The following ZNF334 variants were observed in gnomAD, a reference collection of about 807,000 sequenced individuals.
The protein encoded by ZNF334 is zinc finger protein 334.
A neutral mutation model predicts 12.4 loss-of-function variants in ZNF334; 14 were observed. The observed-to-expected ratio is 1.13, with a 90% CI of 0.74 to 1.76. The LOEUF (loss-of-function observed/expected upper bound fraction) is 1.76, where lower values mean the gene tolerates loss of function less well. Ranked by LOEUF, ZNF334 falls within the 40% of genes most tolerant of loss-of-function variation. The pLI, the probability that ZNF334 is intolerant of heterozygous loss-of-function variation, is 0.00. For missense variants in ZNF334, 797 were observed against 804.5 expected, an observed-to-expected ratio of 0.99 and a Z score of 0.11; for synonymous variants, 273 against 269.6, an observed-to-expected ratio of 1.01 and a Z score of -0.12.
rs1476613287 is a variant in ZNF334 at position 46,504,737 on chromosome 20, G to C, written c.25C>G (p.Pro9Ala). 2 of 1,600,212 alleles carry C rather than the reference G, an allele frequency of 1.2e-6. No homozygotes were observed. The highest frequency in any genetic ancestry group is 4.5e-5 in the East Asian group (2 of 44,666). The change falls in exon 3 of 5, where the codon CCA (proline) becomes GCA (alanine). Residue 9 changes from proline to alanine, a missense_variant. By Grantham distance (27) the Pro-to-Ala change is conservative. Coordinates refer to ENST00000692313, the MANE Select transcript of ZNF334 (RefSeq NM_001353824.2). MKMKKFQIPVSFQDLTVNF... is the reference protein window; with the variant it reads MKMKKFQIAVSFQDLTVNF... ...ACAGTCAGGTCCTGGAATGAAACTG[G>C]TATCTGAAAGAAAATGTTTAATCTT...
rs371979289 is a variant in ZNF334 at position 46,502,633 on chromosome 20, G to C, written c.706C>G (p.Pro236Ala). The change falls in exon 5 of 5, where the codon CCA becomes GCA. Residue 236 changes from proline (P) to alanine (A), a missense_variant. Physicochemically the swap from Pro to Ala is conservative, Grantham distance 27. Transcript: ENST00000692313. ...TQKGRQTERK[P>A]NECNECRKTF... The stretch of plus-strand genomic sequence containing the variant: ...TTCCTACATTCATTACATTCATTTG[G>C]TTTCCTTTCAGTCTGTCTCCCCTTT... 1.3e-5 allele frequency: 21 copies of C among 1,612,656 alleles called. No individual in the cohort carries two copies. Among genetic ancestry groups the C allele is most frequent in the Non-Finnish European group, 1.2e-5 (14 of 1,180,008 alleles).
In ZNF334 at chr20:46,503,108, G is replaced by C; in HGVS notation, c.242-11C>G. On this transcript the variant is annotated splice_polypyrimidine_tract_variant and intron_variant, in intron 4 of 4. Coordinates refer to ENST00000692313, the MANE Select transcript of ZNF334 (RefSeq NM_001353824.2). ...AGGCATCATCAATGTCTAGAAAAAG[G>C]AACACAATTAACGGTAATTGGTGAG... 16 of 1,577,778 alleles carry C rather than the reference G, an allele frequency of 1.0e-5. No individual in the cohort carries two copies. The highest frequency in any genetic ancestry group is 1.4e-5 in the Non-Finnish European group (16 of 1,164,822).
At chr20:46,464,025 CTCT>C in the ZNF334 span, 31 of 635,230 alleles carry the variant, frequency 4.9e-5, no homozygotes, top group Admixed American at 5.7e-4. Context: ...AGGTGACAAC[CTCT>C]TCTTCATTGT....
rs777572298 is a variant in ZNF334, at chr20:46,504,209, C to T, written c.241+5G>A. ...GTTCCACCTGCTCAGTTATCATTTA[C>T]TTACCTGGGTAGTTCTGATTTGAGA... is the stretch of plus-strand genomic sequence containing the variant. On this transcript the variant is annotated splice_donor_5th_base_variant and intron_variant, in intron 4 of 4. Coordinates refer to ENST00000692313, the MANE Select transcript of ZNF334 (RefSeq NM_001353824.2). 1 of 1,598,106 alleles carries T rather than the reference C, an allele frequency of 6.3e-7. No individual in the cohort carries two copies. Among genetic ancestry groups the T allele is most frequent in the Non-Finnish European group, 8.5e-7 (1 of 1,170,928 alleles).
At chr20:46,462,361 G>A in the ZNF334 span, among the ~76,000 whole-genome samples, 27,185 of 152,056 alleles carry the variant, frequency 0.18, 2,840 homozygotes, top group African/African-American at 0.29. Context: ...TGGGATTACC[G>A]TCTCCTCCCC....
At position 46,504,656 on chromosome 20, in the gene ZNF334, T is replaced by C. The variant is rs1204983188; in HGVS notation, c.106A>G (p.Arg36Gly). Reference sequence around the variant, plus strand: ...CTGTAGTTCTCCAGCATCACATCCCTGTACAGGAGCCTCTGAGCAGGGTCC... The same window carrying C: ...CTGTAGTTCTCCAGCATCACATCCCCGTACAGGAGCCTCTGAGCAGGGTCC... ...QLDPAQRLLY[R>G]DVMLENYSNL... is the part of the protein sequence containing the mutation. Residue 36 changes from arginine to glycine, a missense_variant, in exon 3 of 5, where the codon AGG becomes GGG. Coordinates refer to ENST00000692313, the MANE Select transcript of ZNF334 (RefSeq NM_001353824.2). The C allele has an allele frequency of 6.2e-7, 1 of 1,611,778 alleles. No individual in the cohort carries two copies. The highest frequency in any genetic ancestry group is 8.5e-7 in the Non-Finnish European group (1 of 1,179,186).
chr20:46,463,674 C>T, the ZNF334 span: 2 of 217,080 alleles, frequency 9.2e-6, no homozygotes, highest in Non-Finnish European at 1.9e-5. Flanking sequence ...AAAACACTAA[C>T]TTCAGGATTT....
At position 46,502,179 on chromosome 20, in the gene ZNF334, A is replaced by G; in HGVS notation, c.1160T>C (p.Phe387Ser). Reference sequence around the variant, plus strand: ...ATGCGCAGTAAGGGCTGACTGACAGAAGAAGGTTTTCCCACATTCCTTACA... The same window carrying G: ...ATGCGCAGTAAGGGCTGACTGACAGGAGAAGGTTTTCCCACATTCCTTACA... ...NECKECGKTFFCQSALTAHQR... is the reference protein window; with the variant it reads ...NECKECGKTFSCQSALTAHQR... The change falls in exon 5 of 5, where the codon TTC (phenylalanine) becomes TCC (serine). Residue 387 changes from phenylalanine to serine, a missense_variant. Phe to Ser is a radical substitution (Grantham distance 155). Transcript: ENST00000692313. 6.2e-7 allele frequency: 1 copy of G among 1,613,596 alleles called. No individual in the cohort carries two copies. The highest frequency in any genetic ancestry group is 8.5e-7 in the Non-Finnish European group (1 of 1,179,794).
rs561292443 is a variant in ZNF334 at position 46,502,638 on chromosome 20, C to T, written c.701G>A (p.Arg234Lys). Residue 234 changes from arginine to lysine, a missense_variant, in exon 5 of 5, where the codon AGG (arginine) becomes AAG (lysine). By Grantham distance (26) the Arg-to-Lys change is conservative. Coordinates refer to ENST00000692313, the MANE Select transcript of ZNF334 (RefSeq NM_001353824.2). ...ACATTCATTACATTCATTTGGTTTCCTTTCAGTCTGTCTCCCCTTTTGTGT... is the reference window on the plus strand; with the variant it reads ...ACATTCATTACATTCATTTGGTTTCTTTTCAGTCTGTCTCCCCTTTTGTGT... ...LITQKGRQTE[R>K]KPNECNECRK... 1.7e-5 allele frequency: 28 copies of T among 1,612,786 alleles called. No homozygotes were observed. In the East Asian group the frequency reaches 3.3e-4, roughly 19 times the overall value.
Position 46,501,799 on chromosome 20 carries a change from C to T in ZNF334, c.1540G>A (p.Glu514Lys), listed in dbSNP as rs367912610. ...CSQCKRMNTK[E>K]NLYECSEHGH... The stretch of plus-strand genomic sequence containing the variant: ...TGTTCACTACACTCATAAAGATTCT[C>T]CTTTGTGTTCATTCTCTTACACTGA... Residue 514 changes from glutamate to lysine, a missense_variant, in exon 5 of 5, where the codon GAG becomes AAG. By Grantham distance (56) the Glu-to-Lys change is moderately conservative. Transcript: ENST00000692313. 1 of 1,614,098 alleles carries T rather than the reference C, an allele frequency of 6.2e-7. No individual in the cohort carries two copies. The highest frequency in any genetic ancestry group is 2.2e-5 in the East Asian group (1 of 44,868).
At chr20:46,488,420 TA>T in the ZNF334 span, among the ~76,000 whole-genome samples, 79 of 79,770 alleles carry the variant, frequency 9.9e-4, 3 homozygotes, top group African/African-American at 4.6e-3. Context: ...GCTCTTATTT[TA>T]TATATATATA....
chr20:46,509,040 A>G (rs761449083), intron 2 of ZNF334, among the ~76,000 whole-genome samples: 2 of 152,236 alleles, frequency 1.3e-5, no homozygotes, highest in Admixed American at 6.5e-5. Context: ...CATCAGTCCC[A>G]TATCAGTGAG....
At chr20:46,479,551 C>T in the ZNF334 span, among the ~76,000 whole-genome samples, 2 of 152,180 alleles carry the variant, frequency 1.3e-5, no homozygotes, top group African/African-American at 4.8e-5. Flanking sequence ...TCCATCCTGA[C>T]TCTAGTGTAG....
At chr20:46,488,155 A>G in the ZNF334 span, among the ~76,000 whole-genome samples, 1 of 151,816 alleles carries the variant, frequency 6.6e-6, no homozygotes, top group Non-Finnish European at 1.5e-5. Context: ...TTGAGCCTAA[A>G]TCAAATAGAT....
chr20:46,506,916 A>T (rs779805165), intron 2 of ZNF334, among the ~76,000 whole-genome samples: 1 of 151,870 alleles, frequency 6.6e-6, no homozygotes, highest in Non-Finnish European at 1.5e-5. Context: ...GTTCAAGACC[A>T]GCCTAGGCAA....
the ZNF334 span, chr20:46,465,138 C>A: frequency 4.5e-6 from 1 of 219,884 alleles, no homozygotes; most frequent in Non-Finnish European, 9.0e-6. Context: ...TCAGCTGTTG[C>A]TGCAGCTACT....
rs1043591618 is a variant in ZNF334 at position 46,501,009 on chromosome 20, C to T, written c.*287G>A. 2 of 336,438 alleles carry T rather than the reference C, an allele frequency of 5.9e-6. No homozygotes were observed. The highest frequency in any genetic ancestry group is 2.1e-5 in the African/African-American group (1 of 47,866). The allele number at this position is 336,438 out of a possible 1,614,324, so 20.8% of individuals were successfully genotyped here. A position where few individuals can be genotyped will look rare whatever the true frequency, so the allele number is the denominator to read the frequency against. ...GGGGAGGAACCAAGTAACAATTTAA[C>T]TTAAACAATGTTTGTTTCATTATTT... On this transcript the variant is annotated 3_prime_UTR_variant, in exon 5 of 5. Coordinates refer to ENST00000692313, the MANE Select transcript of ZNF334 (RefSeq NM_001353824.2).
At chr20:46,510,445 G>A (rs1200414438) in intron 2 of ZNF334, among the ~76,000 whole-genome samples, 1 of 152,152 alleles carries the variant, frequency 6.6e-6, no homozygotes, top group Non-Finnish European at 1.5e-5. Flanking sequence ...TGGACTTCAG[G>A]CCGGGCGCGA....
At chr20:46,467,402 C>T in the ZNF334 span, among the ~76,000 whole-genome samples, 1 of 152,162 alleles carries the variant, frequency 6.6e-6, no homozygotes, top group Non-Finnish European at 1.5e-5. Flanking sequence ...CACCCTCACA[C>T]GTAACAATAG....
Sources: gnomAD v4.1 joint callset for allele counts (sites outside exome capture counted in the v4.1 genomes callset) on GRCh38, gnomAD v4.1.1 for gene constraint, MANE v1.5 for transcripts, NCBI Gene and HGNC (gene_info 2026-07-23, HGNC 2026-07-21) for gene names.